SH3BGRL2: variants seen among roughly 807,000 people sequenced by gnomAD.
SH3BGRL2 encodes SH3 domain binding glutamate rich protein like 2, also known as SH3 domain-binding glutamic acid-rich-like protein 2.
In SH3BGRL2, 21 loss-of-function variants were observed where a neutral mutation model predicts 14.8. The ratio of observed to expected loss-of-function variants is 1.42; its 90% CI spans 1.01 to 2.05. The LOEUF (loss-of-function observed/expected upper bound fraction) is 2.05. Ranked by LOEUF, SH3BGRL2 falls within the 30% of genes most tolerant of loss-of-function variation. SH3BGRL2 has a pLI of 0.00. For synonymous variants in SH3BGRL2, 50 were observed against 47.8 expected, an observed-to-expected ratio of 1.05 and a Z score of -0.19; for missense variants, 147 against 130.8, an observed-to-expected ratio of 1.12 and a Z score of -0.61.
chr6:79,649,985 T>TCACACACA (rs1554202291), intron 1 of SH3BGRL2, among the ~76,000 whole-genome samples: 1,626 of 142,028 alleles, frequency 0.011, 27 homozygotes, highest in East Asian at 0.049. Flanking sequence ...TCTCTCTCTC[T>TCACACACA]CACACACACA....
chr6:79,648,279 T>TATATATATATATATATATATATAA lies in SH3BGRL2; in HGVS notation c.45+16777_45+16778insATATATATATATATATATAAATAT, dbSNP rs752182712. Among the ~76,000 whole-genome samples, 80 of 117,162 alleles carry TATATATATATATATATATATATAA rather than the reference T, an allele frequency of 6.8e-4. 1 individual carries two copies. The highest frequency in any genetic ancestry group is 8.7e-4 in the South Asian group (3 of 3,460). The allele number at this position is 117,162 out of a possible 152,430, so 76.9% of individuals were successfully genotyped here. On this transcript the variant is annotated intron_variant, in intron 1 of 3. Coordinates refer to ENST00000369838, the MANE Select transcript of SH3BGRL2 (RefSeq NM_031469.4). ...GCATATATATATATATATATATATA[T>TATATATATATATATATATATATAA]ATATTTGACATATATTATATATAAT...
chr6:79,670,827 T>C (rs537693378), intron 1 of SH3BGRL2, among the ~76,000 whole-genome samples: 1 of 152,280 alleles, frequency 6.6e-6, no homozygotes, highest in East Asian at 1.9e-4. Flanking sequence ...TGTGAAATGG[T>C]TTCTGCACCT....
At chr6:79,582,879 C>G in the SH3BGRL2 span, among the ~76,000 whole-genome samples, 2 of 152,258 alleles carry the variant, frequency 1.3e-5, no homozygotes. Flanking sequence ...TTTTTGCAAT[C>G]TACCCATCTG....
the SH3BGRL2 span, among the ~76,000 whole-genome samples, chr6:79,566,897 TAAAAAAAAAAA>T: frequency 7.3e-6 from 1 of 136,894 alleles, no homozygotes; most frequent in African/African-American, 2.7e-5. Context: ...ACTCTGTCTC[TAAAAAAAAAAA>T]AAAAAAGAAA....
chr6:79,667,450 T>TG (rs1008842914), intron 1 of SH3BGRL2, among the ~76,000 whole-genome samples: 1 of 150,184 alleles, frequency 6.7e-6, no homozygotes, highest in African/African-American at 2.5e-5. Flanking sequence ...AGGCTAAGTT[T>TG]TTTTTTTTTT....
At chr6:79,630,466 A>G (rs1440474890), upstream of SH3BGRL2, among the ~76,000 whole-genome samples, 1 of 152,230 alleles carries the variant, frequency 6.6e-6, no homozygotes, top group Non-Finnish European at 1.5e-5. Flanking sequence ...ATAAAAAACT[A>G]TTCCTAAACT....
rs77605050 is a variant in SH3BGRL2, at chr6:79,687,579, G to T, written c.232-8906G>T. ...GGATTGGAATTGTCTACTGTTTTTT[G>T]ATTTCTATAGCAAGATTTCATAAAG... On this transcript the variant is annotated intron_variant, in intron 2 of 3. Transcript: ENST00000369838. Among the ~76,000 whole-genome samples the T allele has an allele frequency of 8.0e-4, 122 of 152,120 alleles. 3 individuals carry two copies. The East Asian group carries it at 0.021, about 27-fold the overall frequency.
rs1297141743 is a variant in SH3BGRL2, at chr6:79,700,013, A to C, written c.*504A>C. 6.5e-6 allele frequency: 1 copy of C among 153,712 alleles called. No individual in the cohort carries two copies. The highest frequency in any genetic ancestry group is 1.4e-5 in the Non-Finnish European group (1 of 69,188). The allele number at this position is 153,712 out of a possible 1,614,324, so 9.5% of individuals were successfully genotyped here. A position where few individuals can be genotyped will look rare whatever the true frequency, so the allele number is the denominator to read the frequency against. ...TTTTGCTGCAGAATCAGTTACAAAC[A>C]TCACAGTTCCCATGCTTTGTAATAA... On this transcript the variant is annotated 3_prime_UTR_variant, in exon 4 of 4. Transcript: ENST00000369838.
chr6:79,604,696 T>C, the SH3BGRL2 span, among the ~76,000 whole-genome samples: 1 of 152,156 alleles, frequency 6.6e-6, no homozygotes, highest in Non-Finnish European at 1.5e-5. Context: ...GTGTTGAGTG[T>C]GTTGGGGGCA....
rs776602182 is a variant in SH3BGRL2, at chr6:79,673,713, A to T, written c.145A>T (p.Met49Leu). ...ITMSEEQRQW[M>L]YKNVPPEKKP... ...AATGTCAGAAGAACAGAGGCAATGGATGTACAAAAACGTCCCCCCGGAAAA... is the reference window on the plus strand; with the variant it reads ...AATGTCAGAAGAACAGAGGCAATGGTTGTACAAAAACGTCCCCCCGGAAAA... The change falls in exon 2 of 4, where the codon ATG (methionine) becomes TTG (leucine). Residue 49 changes from methionine (M) to leucine (L), a missense_variant. Transcript: ENST00000369838. 1.9e-6 allele frequency: 3 copies of T among 1,614,176 alleles called. No individual in the cohort carries two copies. The South Asian group carries it at 3.3e-5, about 18-fold the overall frequency.
intron 3 of SH3BGRL2, among the ~76,000 whole-genome samples, chr6:79,696,814 C>G (rs76063618): frequency 0.019 from 2,883 of 152,028 alleles, 91 homozygotes; most frequent in African/African-American, 0.066. Flanking sequence ...ATTTATACCC[C>G]ATTCCTCCAA....
At chr6:79,583,563 T>C in the SH3BGRL2 span, among the ~76,000 whole-genome samples, 14 of 152,038 alleles carry the variant, frequency 9.2e-5, no homozygotes, top group African/African-American at 3.4e-4. Context: ...TTCTCACTCA[T>C]AGGTGGGAAT....
the SH3BGRL2 span, among the ~76,000 whole-genome samples, chr6:79,576,540 G>T: frequency 1.1e-4 from 17 of 152,232 alleles, no homozygotes; most frequent in Admixed American, 1.1e-3. Context: ...CTAATCAATA[G>T]TTTATTTTTT....
chr6:79,663,591 G>A (rs1199492512), intron 1 of SH3BGRL2, among the ~76,000 whole-genome samples: 1 of 152,218 alleles, frequency 6.6e-6, no homozygotes, highest in African/African-American at 2.4e-5. Context: ...CCCCTACTGG[G>A]AGGTGTCTCC....
At chr6:79,566,009 T>G in the SH3BGRL2 span, among the ~76,000 whole-genome samples, 85 of 152,292 alleles carry the variant, frequency 5.6e-4, 1 homozygote, top group East Asian at 0.016. Context: ...ACCTATTCCC[T>G]TCACATTCCT....
intron 1 of SH3BGRL2, among the ~76,000 whole-genome samples, chr6:79,664,890 T>G (rs557728527): frequency 6.6e-6 from 1 of 152,334 alleles, no homozygotes; most frequent in African/African-American, 2.4e-5. Context: ...AGCCTACTAC[T>G]AATAACCATT....
the SH3BGRL2 span, among the ~76,000 whole-genome samples, chr6:79,549,496 CTATGTTTAGA>C: frequency 6.6e-6 from 1 of 152,042 alleles, no homozygotes; most frequent in African/African-American, 2.4e-5. Flanking sequence ...TCTACGTGTT[CTATGTTTAGA>C]TATGTTTAGA....
At chr6:79,673,513 T>C in intron 1 of SH3BGRL2, 101 bp from the exon 2 acceptor site, 1 of 1,209,522 alleles carries the variant, frequency 8.3e-7, no homozygotes, top group Non-Finnish European at 1.2e-6. Flanking sequence ...ATAAATCACC[T>C]CTTTTTTTGT....
intron 1 of SH3BGRL2, among the ~76,000 whole-genome samples, chr6:79,650,894 A>T (rs2127726372): frequency 6.7e-6 from 1 of 149,126 alleles, no homozygotes; most frequent in East Asian, 1.9e-4. Flanking sequence ...AAATAATTAT[A>T]TAAAAATATA....
Sources: allele counts gnomAD v4.1 joint callset (sites outside exome capture counted in the v4.1 genomes callset), GRCh38; gene constraint gnomAD v4.1.1; transcripts MANE v1.5; gene names NCBI Gene and HGNC (gene_info 2026-07-23, HGNC 2026-07-21).